Variants in CYP2J2 observed in about 807,000 individuals in gnomAD.
The protein encoded by CYP2J2 is cytochrome P450 family 2 subfamily J member 2.
Under a neutral mutation model 48.8 loss-of-function variants are expected in CYP2J2, and 41 were observed. That is an observed-to-expected ratio of 0.84 (90% CI 0.66 to 1.09). The LOEUF is 1.09. CYP2J2 is among the 50% of genes least tolerant of loss of function. The probability of loss-of-function intolerance (pLI) is 0.00; values close to 1 mark genes in which losing one functional copy is unlikely to be tolerated. For missense variants in CYP2J2, 644 were observed against 617.3 expected (o/e 1.04, Z -0.46); for synonymous variants, 221 against 227.1 (o/e 0.97, Z 0.24).
At chr1:59,926,056 AC>A (rs1644560924) in intron 1 of CYP2J2, among the ~76,000 whole-genome samples, 1 of 152,162 alleles carries the variant, frequency 6.6e-6, no homozygotes, top group South Asian at 2.1e-4. Context: ...CAGAGGAAGA[AC>A]ATTTTAAAAT....
chr1:59,930,063 G>T (rs544943485), upstream of CYP2J2, among the ~76,000 whole-genome samples: 1 of 152,084 alleles, frequency 6.6e-6, no homozygotes, highest in South Asian at 2.1e-4. Context: ...AAAGATTAAC[G>T]GCCGACTTGT....
upstream of CYP2J2, among the ~76,000 whole-genome samples, chr1:59,931,412 C>G (rs1338869175): frequency 1.3e-5 from 2 of 151,888 alleles, no homozygotes; most frequent in Non-Finnish European, 2.9e-5. Context: ...ACCAGTCCCC[C>G]AAATCATTGA....
At chr1:59,896,758 C>A (rs929483720) in intron 8 of CYP2J2, among the ~76,000 whole-genome samples, 1 of 152,002 alleles carries the variant, frequency 6.6e-6, no homozygotes, top group African/African-American at 2.4e-5. Flanking sequence ...CTATTCACAG[C>A]AATAATTTTA....
At chr1:59,902,742 T>C (rs191965705) in intron 7 of CYP2J2, among the ~76,000 whole-genome samples, 3 of 152,304 alleles carry the variant, frequency 2.0e-5, no homozygotes, top group Admixed American at 1.3e-4. Flanking sequence ...GCACTTTCTG[T>C]ACTAAGTACT....
rs146127205 is a variant in CYP2J2, at chr1:59,901,400, G to T, written c.1192-297C>A. Among the ~76,000 whole-genome samples the T allele has an allele frequency of 1.4e-4, 21 of 152,310 alleles. No individual in the cohort carries two copies. In the East Asian group the frequency reaches 3.7e-3, roughly 27 times the overall value. On this transcript the variant is annotated intron_variant, in intron 7 of 8. Transcript: ENST00000371204. ...AGGTCAGTTTCAGTAGGGCTTGGAA[G>T]GAGGGGGCATGAATGCACTGATGAG...
At chr1:59,894,029 C>T (rs188007250) in intron 8 of CYP2J2, among the ~76,000 whole-genome samples, 200 bp from the exon 9 acceptor site, 5 of 152,070 alleles carry the variant, frequency 3.3e-5, no homozygotes, top group East Asian at 1.9e-4. Flanking sequence ...TCCAGGAACA[C>T]GAAGTCAAAT....
At chr1:59,908,425 C>T (rs760008369) in intron 5 of CYP2J2, among the ~76,000 whole-genome samples, 1 of 152,178 alleles carries the variant, frequency 6.6e-6, no homozygotes, top group Non-Finnish European at 1.5e-5. Context: ...ACAGAAAAGG[C>T]AAATGGAATT....
intron 8 of CYP2J2, among the ~76,000 whole-genome samples, chr1:59,894,643 AAT>A (rs1440174689): frequency 6.6e-6 from 1 of 152,234 alleles, no homozygotes; most frequent in Non-Finnish European, 1.5e-5. Context: ...AGTGAAAACG[AAT>A]ATGTGTTTAA....
intron 4 of CYP2J2, among the ~76,000 whole-genome samples, chr1:59,910,944 T>C (rs1396603644): frequency 1.3e-5 from 2 of 152,194 alleles, no homozygotes; most frequent in Admixed American, 1.3e-4. Flanking sequence ...AGAAGATTGA[T>C]GATATTAAGT....
At chr1:59,896,441 A>G (rs1002340360) in intron 8 of CYP2J2, among the ~76,000 whole-genome samples, 5 of 152,032 alleles carry the variant, frequency 3.3e-5, no homozygotes, top group Non-Finnish European at 7.4e-5. Context: ...TCAGATTCCA[A>G]TCCAACATCA....
At chr1:59,950,966 C>T in the CYP2J2 span, among the ~76,000 whole-genome samples, 1 of 152,196 alleles carries the variant, frequency 6.6e-6, no homozygotes, top group Non-Finnish European at 1.5e-5. Context: ...CAGCATAGCA[C>T]CACTTCTGCC....
chr1:59,963,353 A>T, the CYP2J2 span, among the ~76,000 whole-genome samples: 1 of 152,170 alleles, frequency 6.6e-6, no homozygotes, highest in Non-Finnish European at 1.5e-5. Context: ...TAACTCCTTC[A>T]TCTCTCCTCT....
intron 2 of CYP2J2, among the ~76,000 whole-genome samples, chr1:59,914,336 A>G (rs1471753585): frequency 6.6e-6 from 1 of 152,242 alleles, no homozygotes; most frequent in Non-Finnish European, 1.5e-5. Context: ...TAAGAATTGA[A>G]AAGCACCTTG....
chr1:59,908,850 G>A (rs1264517227), intron 5 of CYP2J2, among the ~76,000 whole-genome samples: 2 of 152,144 alleles, frequency 1.3e-5, no homozygotes, highest in Non-Finnish European at 2.9e-5. Flanking sequence ...TATAATGTTG[G>A]AAAGTGAAAG....
the CYP2J2 span, among the ~76,000 whole-genome samples, chr1:59,957,541 G>A: frequency 6.6e-6 from 1 of 152,044 alleles, no homozygotes; most frequent in Non-Finnish European, 1.5e-5. Flanking sequence ...AAACCAGGAG[G>A]ATTCAGTAAA....
chr1:59,903,138 T>C (rs919944801), intron 7 of CYP2J2, among the ~76,000 whole-genome samples: 1 of 152,182 alleles, frequency 6.6e-6, no homozygotes, highest in East Asian at 1.9e-4. Flanking sequence ...AAATAGTAAA[T>C]GTAACAGCTG....
chr1:59,968,760 T>C, the CYP2J2 span, among the ~76,000 whole-genome samples: 1 of 152,264 alleles, frequency 6.6e-6, no homozygotes, highest in Non-Finnish European at 1.5e-5. Flanking sequence ...AGCTTTGTGA[T>C]GAGCATGTGC....
the CYP2J2 span, among the ~76,000 whole-genome samples, chr1:59,943,198 C>A: frequency 6.6e-6 from 1 of 151,958 alleles, no homozygotes; most frequent in Non-Finnish European, 1.5e-5. Context: ...CAGGACTGGA[C>A]GAAATCACCT....
intron 7 of CYP2J2, 145 bp downstream of exon 7, chr1:59,904,726 C>T (rs1307896998): frequency 4.5e-6 from 3 of 674,024 alleles, no homozygotes; most frequent in Non-Finnish European, 4.8e-6. Context: ...TTGAAGACTA[C>T]ACATGGAGAA....
Sources: allele counts gnomAD v4.1 joint callset (sites outside exome capture counted in the v4.1 genomes callset), GRCh38; gene constraint gnomAD v4.1.1; transcripts MANE v1.5; gene names NCBI Gene and HGNC (gene_info 2026-07-23, HGNC 2026-07-21).